Variants in DOCK8 observed in about 807,000 individuals in gnomAD.
DOCK8 encodes the protein dedicator of cytokinesis 8.
A neutral mutation model predicts 245.6 loss-of-function variants in DOCK8; 141 were observed. The observed-to-expected ratio is 0.57, with a 90% CI of 0.50 to 0.66. The LOEUF (loss-of-function observed/expected upper bound fraction) is 0.66. Ranked by LOEUF, DOCK8 falls within the 30% of genes least tolerant of loss-of-function variation. DOCK8 has a pLI of 0.00. For synonymous variants in DOCK8, 1,168 were observed against 970.2 expected (o/e 1.20, Z -3.79); for missense variants, 2,965 against 2,603.4 (o/e 1.14, Z -3.02).
intron 4 of DOCK8, among the ~76,000 whole-genome samples, chr9:303,421 T>C (rs2049652082): frequency 6.6e-6 from 1 of 152,116 alleles, no homozygotes; most frequent in Admixed American, 6.6e-5. Context: ...TAAAGAAAAT[T>C]TGGTACATAT....
At chr9:233,745 G>C (rs1341571241) in intron 1 of DOCK8, among the ~76,000 whole-genome samples, 1 of 151,724 alleles carries the variant, frequency 6.6e-6, no homozygotes, top group African/African-American at 2.4e-5. Context: ...TTTTCCATTT[G>C]CTTGGTAGAT....
chr9:285,275 G>A lies in DOCK8; in HGVS notation c.157-1186G>A, dbSNP rs1418096370. On this transcript the variant is annotated intron_variant, in intron 2 of 47. Coordinates refer to ENST00000432829, the MANE Select transcript of DOCK8 (RefSeq NM_203447.4). ...TATTTCCTCTTGCCTCTTCAACAGC[G>A]CTTTGTCTCTCCTCTCCAGCTTGAA... Among the ~76,000 whole-genome samples, 2 of 152,104 alleles carry A rather than the reference G, an allele frequency of 1.3e-5. 1 individual carries two copies. The highest frequency in any genetic ancestry group is 4.2e-4 in the South Asian group (2 of 4,816).
At position 400,114 on chromosome 9, in the gene DOCK8, A is replaced by T. The variant is rs1419452445; in HGVS notation, c.3234+855A>T. The stretch of plus-strand genomic sequence containing the variant: ...CACCATCACCACCACCACCTCCACC[A>T]CCACCAGCATCTTCACCATCACCAC... On this transcript the variant is annotated intron_variant, in intron 26 of 47. Transcript: ENST00000432829. Among the ~76,000 whole-genome samples, 13 of 106,314 alleles carry T rather than the reference A, an allele frequency of 1.2e-4. 1 individual carries two copies. Among genetic ancestry groups the T allele is most frequent in the African/African-American group, 5.2e-4 (10 of 19,092 alleles). 69.7% of individuals were successfully genotyped at this position (106,314 alleles called of 152,430 possible).
At chr9:214,689 C>G (rs1188102470), upstream of DOCK8, 3 of 1,575,350 alleles carry the variant, frequency 1.9e-6, no homozygotes, top group Admixed American at 3.7e-5. Flanking sequence ...GCAGAGCGCG[C>G]CGTCTGCCCC....
Position 392,246 on chromosome 9 carries a change from A to C in DOCK8, c.2970+1680A>C, listed in dbSNP as rs116161653. Among the ~76,000 whole-genome samples the C allele has an allele frequency of 7.1e-3, 1,083 of 152,296 alleles. 11 individuals carry two copies. Among genetic ancestry groups the C allele is most frequent in the African/African-American group, 0.024 (1,007 of 41,560 alleles). ...CAAGAAAAAGGGAGAAATGCTGAACAATAGGACACAGAGAACAAAGGGCAA... is the reference window on the plus strand; with the variant it reads ...CAAGAAAAAGGGAGAAATGCTGAACCATAGGACACAGAGAACAAAGGGCAA... On this transcript the variant is annotated intron_variant, in intron 24 of 47. Coordinates refer to ENST00000432829, the MANE Select transcript of DOCK8 (RefSeq NM_203447.4).
chr9:386,760 G>C (rs1369040581), intron 23 of DOCK8, among the ~76,000 whole-genome samples: 1 of 152,212 alleles, frequency 6.6e-6, no homozygotes, highest in East Asian at 1.9e-4. Context: ...CAAGTTCCCA[G>C]CTGATGCTGG....
intron 14 of DOCK8, among the ~76,000 whole-genome samples, chr9:359,803 C>CAAAA (rs67236172): frequency 2.8e-5 from 3 of 108,510 alleles, no homozygotes; most frequent in Non-Finnish European, 4.0e-5. Context: ...TCTGTCTTTG[C>CAAAA]AAAAAAAAAA....
At chr9:226,257 C>T (rs982231345) in intron 1 of DOCK8, among the ~76,000 whole-genome samples, 5 of 152,186 alleles carry the variant, frequency 3.3e-5, no homozygotes, top group African/African-American at 9.6e-5. Context: ...CATCAGATCT[C>T]GTGAGACTTA....
At chr9:220,215 T>C (rs1478975658) in intron 1 of DOCK8, among the ~76,000 whole-genome samples, 1 of 152,174 alleles carries the variant, frequency 6.6e-6, no homozygotes, top group African/African-American at 2.4e-5. Flanking sequence ...AATCGGTTCC[T>C]TCCAGATTCT....
intron 46 of DOCK8, among the ~76,000 whole-genome samples, chr9:457,232 C>G (rs541558117): frequency 4.6e-5 from 7 of 152,112 alleles, no homozygotes; most frequent in Admixed American, 4.6e-4. Flanking sequence ...GGAATATGGG[C>G]ACTCAAGCCA....
chr9:395,199 A>G (rs573833770), intron 24 of DOCK8, among the ~76,000 whole-genome samples: 74 of 152,258 alleles, frequency 4.9e-4, no homozygotes, highest in African/African-American at 1.7e-3. Flanking sequence ...TCCCAAACCA[A>G]AGAGGATGCC....
chr9:457,590 G>C (rs1481324105), intron 46 of DOCK8, among the ~76,000 whole-genome samples: 2 of 152,194 alleles, frequency 1.3e-5, no homozygotes, highest in Non-Finnish European at 2.9e-5. Context: ...ACATTGGCCT[G>C]GGAGCAGCAG....
At chr9:412,619 G>A (rs981065238) in intron 28 of DOCK8, among the ~76,000 whole-genome samples, 29 of 152,056 alleles carry the variant, frequency 1.9e-4, no homozygotes, top group Middle Eastern at 3.4e-3. Context: ...ATACACTTAC[G>A]ATGAGCAATC....
chr9:380,055 A>T, intron 21 of DOCK8, 120 bp downstream of exon 21: 1 of 1,027,964 alleles, frequency 9.7e-7, no homozygotes. Context: ...CTGCAACCCC[A>T]GCACTCTAGG....
intron 1 of DOCK8, among the ~76,000 whole-genome samples, chr9:217,554 C>T (rs184271477): frequency 9.2e-5 from 14 of 152,250 alleles, no homozygotes; most frequent in Admixed American, 4.6e-4. Context: ...ATTGGAAATT[C>T]GTATTCTTAG....
Position 247,813 on chromosome 9 carries a change from G to A in DOCK8, c.54-23814G>A, listed in dbSNP as rs137857320. ...CGGCCTCCCAAAGTGCTGGGATTATGGCAGAGAAATGTTTGTTTCAAAAGT... is the reference window on the plus strand; with the variant it reads ...CGGCCTCCCAAAGTGCTGGGATTATAGCAGAGAAATGTTTGTTTCAAAAGT... On this transcript the variant is annotated intron_variant, in intron 1 of 47. Transcript: ENST00000432829. Among the ~76,000 whole-genome samples, 1,026 of 152,020 alleles carry A rather than the reference G, an allele frequency of 6.7e-3. 9 individuals carry two copies. The highest frequency in any genetic ancestry group is 0.023 in the African/African-American group (944 of 41,514).
Position 415,053 on chromosome 9 carries a change from TA to T in DOCK8, c.3700+103del. 3 of 1,501,436 alleles carry T rather than the reference TA, an allele frequency of 2.0e-6. No individual in the cohort carries two copies. In the Admixed American group the frequency reaches 5.0e-5, roughly 25 times the overall value. The allele number at this position is 1,501,436 out of a possible 1,614,324, so 93.0% of individuals were successfully genotyped here. A position where few individuals can be genotyped will look rare whatever the true frequency, so the allele number is the denominator to read the frequency against. On this transcript the variant is annotated intron_variant, in intron 29 of 47. Coordinates refer to ENST00000432829, the MANE Select transcript of DOCK8 (RefSeq NM_203447.4). The stretch of plus-strand genomic sequence containing the variant: ...ATTCGTTCCAGTGCTGATATGTTCA[TA>T]TGAGCAATTCTTCACAAAAATGGTC...
Position 244,527 on chromosome 9 carries a change from C to T in DOCK8, c.54-27100C>T, listed in dbSNP as rs576548180. Among the ~76,000 whole-genome samples, 16 of 152,242 alleles carry T rather than the reference C, an allele frequency of 1.1e-4. No homozygotes were observed. The East Asian group carries it at 2.3e-3, about 22-fold the overall frequency. ...TGTAAGTCCTAAATCATGTGATTGC[C>T]TACTTAATGTCTCCCGCAACCTGCC... is the stretch of plus-strand genomic sequence containing the variant. On this transcript the variant is annotated intron_variant, in intron 1 of 47. Coordinates refer to ENST00000432829, the MANE Select transcript of DOCK8 (RefSeq NM_203447.4).
upstream of DOCK8, among the ~76,000 whole-genome samples, chr9:212,063 G>T (rs946538692): frequency 1.3e-5 from 2 of 152,144 alleles, no homozygotes; most frequent in African/African-American, 2.4e-5. Context: ...TTGTAATCTT[G>T]GTCAAGTCAC....
Sources: allele counts gnomAD v4.1 joint callset (sites outside exome capture counted in the v4.1 genomes callset), GRCh38; gene constraint gnomAD v4.1.1; transcripts MANE v1.5; gene names NCBI Gene and HGNC (gene_info 2026-07-23, HGNC 2026-07-21).